Variants in LMO7 observed in about 807,000 individuals in gnomAD.
The protein encoded by LMO7 is LIM domain 7, also known as LIM domain only protein 7.
Under a neutral mutation model 206.5 loss-of-function variants are expected in LMO7, and 120 were observed. That is an observed-to-expected ratio of 0.58 (90% CI 0.50 to 0.68). LMO7 has a LOEUF of 0.68. Among genes scored for constraint, LMO7 ranks in the 30% least tolerant of loss-of-function variants. LMO7 has a pLI of 0.00. For synonymous variants in LMO7, 706 were observed against 681.5 expected (o/e 1.04, Z -0.56); for missense variants, 1,959 against 1,957.9 (o/e 1.00, Z -0.01).
upstream of LMO7, among the ~76,000 whole-genome samples, chr13:75,634,704 C>G (rs2035514209): frequency 6.6e-6 from 1 of 151,882 alleles, no homozygotes; most frequent in Non-Finnish European, 1.5e-5. Flanking sequence ...GATTGCACCA[C>G]TGCACTCCAG....
intron 2 of LMO7, among the ~76,000 whole-genome samples, chr13:75,721,192 A>C (rs2043991219): frequency 6.6e-6 from 1 of 152,230 alleles, no homozygotes; most frequent in African/African-American, 2.4e-5. Context: ...AAGAGCAAAA[A>C]GCAATTTCTA....
intron 4 of LMO7, among the ~76,000 whole-genome samples, chr13:75,777,535 AT>A (rs1353709177): frequency 6.6e-6 from 1 of 152,096 alleles, no homozygotes; most frequent in Non-Finnish European, 1.5e-5. Flanking sequence ...ATACTTTGGT[AT>A]TATAATTCTC....
At chr13:75,811,312 T>G (rs1232598181) in intron 11 of LMO7, among the ~76,000 whole-genome samples, 2 of 152,008 alleles carry the variant, frequency 1.3e-5, no homozygotes, top group African/African-American at 4.8e-5. Flanking sequence ...CCCAAAGTGT[T>G]AGGATTACAG....
At position 75,833,071 on chromosome 13, in the gene LMO7, A is replaced by G; in HGVS notation, c.2970A>G (p.Arg990=). ...TTCAGGATCAGTTCAGTGATATGAG[A>G]ATCAGCATAAACCAGACGCCTGGGA... ...SRSQDQFSDM[R]ISINQTPGKS... Residue 990 remains arginine (R), a synonymous_variant, in exon 16 of 31, where the codon AGA becomes AGG. Coordinates refer to ENST00000377534, the MANE Select transcript of LMO7 (RefSeq NM_001306080.2). 1 of 1,606,812 alleles carries G rather than the reference A, an allele frequency of 6.2e-7. No individual in the cohort carries two copies. Among genetic ancestry groups the G allele is most frequent in the Non-Finnish European group, 8.5e-7 (1 of 1,173,532 alleles).
Position 75,746,623 on chromosome 13 carries a change from C to G in LMO7, c.211-14309C>G, listed in dbSNP as rs2046864840. On this transcript the variant is annotated intron_variant, in intron 3 of 30. Transcript: ENST00000377534. The stretch of plus-strand genomic sequence containing the variant: ...CTGCCAACAATGGGCCTGCATTCCC[C>G]TAAAGCGACCATTATATGGGATGTC... Among the ~76,000 whole-genome samples, 10 of 152,180 alleles carry G rather than the reference C, an allele frequency of 6.6e-5. No individual in the cohort carries two copies. In the South Asian group the frequency reaches 2.1e-3, roughly 32 times the overall value.
intron 1 of LMO7, among the ~76,000 whole-genome samples, chr13:75,645,995 A>T (rs529372931): frequency 1.3e-5 from 2 of 152,248 alleles, no homozygotes; most frequent in Non-Finnish European, 2.9e-5. Context: ...TTTAGTAACT[A>T]CTTGAGATTT....
intron 6 of LMO7, among the ~76,000 whole-genome samples, chr13:75,798,394 A>G (rs2054305984): frequency 6.6e-6 from 1 of 152,212 alleles, no homozygotes; most frequent in Non-Finnish European, 1.5e-5. Context: ...ACTTTGGCTT[A>G]TGTACTAGGG....
At chr13:75,792,340 TA>T (rs1252357591) in intron 4 of LMO7, among the ~76,000 whole-genome samples, 2 of 152,176 alleles carry the variant, frequency 1.3e-5, no homozygotes, top group African/African-American at 4.8e-5. Flanking sequence ...GCATTATCCC[TA>T]CTTTGTCCAG....
Position 75,858,061 on chromosome 13 carries a change from C to CT in LMO7, c.*125dup, listed in dbSNP as rs764852317. Reference sequence around the variant, plus strand: ...GCTTTTTTTTTAAAAAAAAGAATAACTTTTTTTGCCTCTTTAGATTACATA... The same window carrying CT: ...GCTTTTTTTTTAAAAAAAAGAATAACTTTTTTTTGCCTCTTTAGATTACATA... On this transcript the variant is annotated 3_prime_UTR_variant, in exon 31 of 31. Transcript: ENST00000377534. The CT allele has an allele frequency of 2.8e-5, 33 of 1,199,608 alleles. No homozygotes were observed. The Admixed American group carries it at 3.7e-4, about 13-fold the overall frequency. 74.3% of individuals were successfully genotyped at this position (1,199,608 alleles called of 1,614,324 possible). A position where few individuals can be genotyped will look rare whatever the true frequency, so the allele number is the denominator to read the frequency against.
chr13:75,772,469 T>C (rs983808782), intron 4 of LMO7, among the ~76,000 whole-genome samples: 12 of 152,108 alleles, frequency 7.9e-5, no homozygotes, highest in African/African-American at 2.9e-4. Context: ...TTCATGCCTT[T>C]TCTAATCTTA....
chr13:75,685,345 A>T (rs114231492), intron 1 of LMO7, among the ~76,000 whole-genome samples: 78 of 152,114 alleles, frequency 5.1e-4, no homozygotes, highest in African/African-American at 1.7e-3. Flanking sequence ...AGTGTTCTTT[A>T]CCCCTTCTGG....
chr13:75,783,378 A>G (rs1312949811), intron 4 of LMO7, among the ~76,000 whole-genome samples: 1 of 152,156 alleles, frequency 6.6e-6, no homozygotes, highest in African/African-American at 2.4e-5. Context: ...TGAAGCATGC[A>G]GTGGTGCGAT....
chr13:75,810,739 C>A (rs945717273), intron 11 of LMO7, among the ~76,000 whole-genome samples: 45 of 152,154 alleles, frequency 3.0e-4, no homozygotes, highest in African/African-American at 1.0e-3. Flanking sequence ...ATAAAAGTAC[C>A]CAGAGTACAA....
Position 75,821,434 on chromosome 13 carries a change from C to T in LMO7, c.2465C>T (p.Pro822Leu). ...CAAAGTCCTGTGGAAGAACAAAGCC[C>T]AGCCTCTTTGTCTTCTCTGCGTTCA... Reference protein sequence around the residue: ...PSQSPVEEQSPASLSSLRSRS... With the variant: ...PSQSPVEEQSLASLSSLRSRS... Residue 822 changes from proline (P) to leucine (L), a missense_variant, in exon 14 of 31, where the codon CCA (proline) becomes CTA (leucine). Pro to Leu is a moderately conservative substitution (Grantham distance 98). Transcript: ENST00000377534. The T allele has an allele frequency of 6.2e-7, 1 of 1,614,146 alleles. No individual in the cohort carries two copies.
chr13:75,666,150 A>G (rs2039054754), intron 1 of LMO7, among the ~76,000 whole-genome samples: 1 of 152,226 alleles, frequency 6.6e-6, no homozygotes, highest in Non-Finnish European at 1.5e-5. Context: ...TAGACCATGC[A>G]TGTAACAGCA....
intron 1 of LMO7, among the ~76,000 whole-genome samples, chr13:75,641,810 C>T (rs547701779): frequency 1.4e-4 from 21 of 151,692 alleles, no homozygotes; most frequent in African/African-American, 5.1e-4. Flanking sequence ...CCATGCCTGG[C>T]TAACTTTTGT....
At chr13:75,629,128 A>G (rs942599855) in intron 2 of LMO7, among the ~76,000 whole-genome samples, 25 of 152,300 alleles carry the variant, frequency 1.6e-4, no homozygotes, top group African/African-American at 5.8e-4. Context: ...AATCCTCCTA[A>G]CAAAGAATTA....
intron 1 of LMO7, among the ~76,000 whole-genome samples, chr13:75,704,081 T>A (rs1333011232): frequency 6.6e-6 from 1 of 152,222 alleles, no homozygotes; most frequent in East Asian, 1.9e-4. Flanking sequence ...TGAAGTTTAA[T>A]GAACGGAGTA....
Position 75,823,713 on chromosome 13 carries a change from A to G in LMO7, c.2789A>G (p.Asp930Gly), listed in dbSNP as rs1273360414. 1 of 1,614,038 alleles carries G rather than the reference A, an allele frequency of 6.2e-7. No individual in the cohort carries two copies. Among genetic ancestry groups the G allele is most frequent in the East Asian group, 2.2e-5 (1 of 44,874 alleles). ...AAAGAGGTAGCAGCAACAGAAGAAG[A>G]TGTGACAAGGCTGCCCTCTCCTACA... ...SQKEVAATEE[D>G]VTRLPSPTSP... The change falls in exon 15 of 31, where the codon GAT (aspartate) becomes GGT (glycine). Residue 930 changes from aspartate to glycine, a missense_variant. Coordinates refer to ENST00000377534, the MANE Select transcript of LMO7 (RefSeq NM_001306080.2).
Sources: allele counts gnomAD v4.1 joint callset (sites outside exome capture counted in the v4.1 genomes callset), GRCh38; gene constraint gnomAD v4.1.1; transcripts MANE v1.5; gene names NCBI Gene and HGNC (gene_info 2026-07-23, HGNC 2026-07-21).